Variants in PPWD1 observed in about 807,000 individuals in gnomAD.
The protein encoded by PPWD1 is peptidylprolyl isomerase domain and WD repeat containing 1, also known as peptidylprolyl isomerase domain and WD repeat-containing protein 1.
Under a neutral mutation model 68.8 loss-of-function variants are expected in PPWD1, and 43 were observed. That is an observed-to-expected ratio of 0.62 (90% CI 0.49 to 0.81). PPWD1 has a LOEUF of 0.81. Among genes scored for constraint, PPWD1 ranks in the 30% least tolerant of loss-of-function variants. The pLI is 0.00. For missense variants in PPWD1, 672 were observed against 804.8 expected (o/e 0.83, Z 2.00); for synonymous variants, 232 against 258.7 (o/e 0.90, Z 0.99).
chr5:65,578,435 C>A (rs910389930), intron 6 of PPWD1, among the ~76,000 whole-genome samples: 2 of 152,126 alleles, frequency 1.3e-5, no homozygotes, highest in African/African-American at 4.8e-5. Context: ...TGGCTATACT[C>A]TTTTTGCATT....
chr5:65,581,728 A>G (rs1753608868), intron 7 of PPWD1, among the ~76,000 whole-genome samples: 1 of 152,352 alleles, frequency 6.6e-6, no homozygotes, highest in African/African-American at 2.4e-5. Context: ...TATATTCATT[A>G]TAAAGTTTGA....
At chr5:65,576,531 C>G (rs192697663) in intron 5 of PPWD1, 1 of 239,224 alleles carries the variant, frequency 4.2e-6, no homozygotes, top group African/African-American at 2.3e-5. Flanking sequence ...CACACATCAC[C>G]ATGCCCGGCT....
Position 65,576,932 on chromosome 5 carries a change from C to A in PPWD1, c.1023C>A (p.Gly341=). 6.2e-7 allele frequency: 1 copy of A among 1,614,008 alleles called. No homozygotes were observed. The highest frequency in any genetic ancestry group is 1.1e-5 in the South Asian group (1 of 91,080). The change falls in exon 6 of 11, where the codon GGC becomes GGA. Residue 341 remains glycine, a synonymous_variant. Transcript: ENST00000261308. ...AACAGTTACCAGACATGGAATTTGG[C>A]CGACGAATGGCTGTAGAACGTGAGT... The part of the protein sequence containing the change: ...MRQQLPDMEF[G]RRMAVERELE...
chr5:65,572,132 A>G lies in PPWD1; in HGVS notation c.815A>G (p.Asp272Gly), dbSNP rs1220180635. 21 of 1,613,868 alleles carry G rather than the reference A, an allele frequency of 1.3e-5. No homozygotes were observed. Among genetic ancestry groups the G allele is most frequent in the Non-Finnish European group, 1.5e-5 (18 of 1,179,886 alleles). Reference sequence around the variant, plus strand: ...AACTGGGAATATAAAACTGACACTGATTTATATGAATTTGCCAAGTGTAAG... The same window carrying G: ...AACTGGGAATATAAAACTGACACTGGTTTATATGAATTTGCCAAGTGTAAG... ...NVNWEYKTDT[D>G]LYEFAKCKAY... Residue 272 changes from aspartate to glycine, a missense_variant, in exon 5 of 11, where the codon GAT becomes GGT. By Grantham distance (94) the Asp-to-Gly change is moderately conservative. Around this residue, in one of 2 missense-constraint regions of PPWD1, gnomAD observed 484 missense variants for 646.2 expected, o/e 0.75. Coordinates refer to ENST00000261308, the MANE Select transcript of PPWD1 (RefSeq NM_015342.4).
chr5:65,574,738 C>T lies in PPWD1; in HGVS notation c.970-2141C>T, dbSNP rs574633016. On this transcript the variant is annotated intron_variant, in intron 5 of 10. Transcript: ENST00000261308. ...TCGGCCTCCCAAAGTGCTGGGATTACAGGCGTGAGCCACCGCGCCCGGCCG... is the reference window on the plus strand; with the variant it reads ...TCGGCCTCCCAAAGTGCTGGGATTATAGGCGTGAGCCACCGCGCCCGGCCG... Among the ~76,000 whole-genome samples, 66 of 152,314 alleles carry T rather than the reference C, an allele frequency of 4.3e-4. 1 individual carries two copies. Among genetic ancestry groups the T allele is most frequent in the Admixed American group, 4.1e-3 (62 of 15,302 alleles).
Position 65,569,653 on chromosome 5 carries a change from C to G in PPWD1, c.321C>G (p.Ala107=). Residue 107 remains alanine (A), a synonymous_variant, in exon 3 of 11, where the codon GCC becomes GCG. Coordinates refer to ENST00000261308, the MANE Select transcript of PPWD1 (RefSeq NM_015342.4). ...VCTKTDFIIT[A]SHDGHVKFWK... is the part of the protein sequence containing the mutation. ...GCAGAACAGATTTTATTATTACTGC[C>G]AGTCATGATGGACATGTCAAGTTCT... The G allele has an allele frequency of 1.3e-6, 2 of 1,587,070 alleles. No homozygotes were observed. The highest frequency in any genetic ancestry group is 1.7e-6 in the Non-Finnish European group (2 of 1,158,372).
intron 5 of PPWD1, among the ~76,000 whole-genome samples, chr5:65,573,470 TATA>T (rs1561725604): frequency 1.5e-5 from 1 of 68,562 alleles, no homozygotes; most frequent in African/African-American, 7.1e-5. Flanking sequence ...TATATATATA[TATA>T]TATTTTTTTT....
intron 5 of PPWD1, among the ~76,000 whole-genome samples, chr5:65,573,066 C>T (rs747513670): frequency 2.6e-4 from 39 of 152,096 alleles, no homozygotes; most frequent in Non-Finnish European, 4.9e-4. Context: ...CCATAAGTCA[C>T]CTTTCTCCCT....
At chr5:65,579,231 T>TA (rs33959203) in intron 6 of PPWD1, 193 bp from the exon 7 acceptor site, 628,573 of 977,180 alleles carry the variant, frequency 0.64, 204,961 homozygotes, top group Non-Finnish European at 0.66. Context: ...TTCTGTTTTT[T>TA]AACCTGAAAA....
At chr5:65,566,371 C>T (rs1179242062) in intron 1 of PPWD1, among the ~76,000 whole-genome samples, 1 of 152,140 alleles carries the variant, frequency 6.6e-6, no homozygotes, top group East Asian at 1.9e-4. Context: ...AAGATTACAG[C>T]AGTTATATCC....
chr5:65,579,491 G>A lies in PPWD1; in HGVS notation c.1228G>A (p.Ala410Thr). The A allele has an allele frequency of 2.5e-6, 4 of 1,608,620 alleles. No individual in the cohort carries two copies. The highest frequency in any genetic ancestry group is 1.7e-4 in the Middle Eastern group (1 of 6,038). The change falls in exon 7 of 11, where the codon GCC (alanine) becomes ACC (threonine). Residue 410 changes from alanine to threonine, a missense_variant. Ala to Thr is a moderately conservative substitution (Grantham distance 58). Coordinates refer to ENST00000261308, the MANE Select transcript of PPWD1 (RefSeq NM_015342.4). ...GCAATTGGCTTTGTTCCAGGGGATA[G>A]CCAAAAAGCATCGTGCTGCAACTAC... ...VMQLALFQGI[A>T]KKHRAATTIE...
intron 1 of PPWD1, chr5:65,563,727 G>C: frequency 7.0e-7 from 1 of 1,420,860 alleles, no homozygotes; most frequent in Non-Finnish European, 9.6e-7. Context: ...TTTGATCATT[G>C]ATTTGTTATG....
rs1221549855 is a variant in PPWD1 at position 65,569,731 on chromosome 5, G to C, written c.399G>C (p.Leu133=). ...TTGTTAAACATTTTCGTAGTCACCTGGGTAAGAATTGCACCTCATTTTCTT... is the reference window on the plus strand; with the variant it reads ...TTGTTAAACATTTTCGTAGTCACCTCGGTAAGAATTGCACCTCATTTTCTT... ...IEFVKHFRSH[L]GVIESIAVSS... The change falls in exon 3 of 11, where the codon CTG becomes CTC. Residue 133 remains leucine, a splice_region_variant and synonymous_variant. Transcript: ENST00000261308. The C allele has an allele frequency of 6.2e-7, 1 of 1,608,114 alleles. No homozygotes were observed. Among genetic ancestry groups the C allele is most frequent in the African/African-American group, 1.3e-5 (1 of 74,730 alleles).
chr5:65,567,275 T>C (rs1477462615), intron 1 of PPWD1, among the ~76,000 whole-genome samples: 1 of 152,088 alleles, frequency 6.6e-6, no homozygotes, highest in Non-Finnish European at 1.5e-5. Flanking sequence ...AGTTAGCATG[T>C]ATATAGTACC....
Position 65,583,228 on chromosome 5 carries a change from A to G in PPWD1, c.1532+9A>G. On this transcript the variant is annotated intron_variant, in intron 8 of 10. Transcript: ENST00000261308. Reference sequence around the variant, plus strand: ...AAACTTTTTCCTGTTGAGTATGTATAACAACTGTTTTTATTGGCTTATGTA... The same window carrying G: ...AAACTTTTTCCTGTTGAGTATGTATGACAACTGTTTTTATTGGCTTATGTA... The G allele has an allele frequency of 3.3e-6, 5 of 1,531,902 alleles. No homozygotes were observed. The highest frequency in any genetic ancestry group is 4.4e-6 in the Non-Finnish European group (5 of 1,136,548). 94.9% of individuals were successfully genotyped at this position (1,531,902 alleles called of 1,614,324 possible).
intron 1 of PPWD1, among the ~76,000 whole-genome samples, chr5:65,566,398 G>C (rs780902302): frequency 2.0e-5 from 3 of 152,174 alleles, no homozygotes; most frequent in Non-Finnish European, 4.4e-5. Context: ...CAAGCTATAG[G>C]ATTGAGGAAA....
intron 10 of PPWD1, 86 bp from the exon 11 acceptor site, chr5:65,587,167 T>TA: frequency 7.2e-7 from 1 of 1,379,930 alleles, no homozygotes. Flanking sequence ...AGCGTAAACT[T>TA]AAATTCTCTT....
chr5:65,573,778 T>C (rs2150597142), intron 5 of PPWD1, among the ~76,000 whole-genome samples: 1 of 152,018 alleles, frequency 6.6e-6, no homozygotes, highest in Non-Finnish European at 1.5e-5. Context: ...GACTAAGCCC[T>C]ATGTGATCTG....
At chr5:65,567,150 A>G (rs1232919527) in intron 1 of PPWD1, among the ~76,000 whole-genome samples, 1 of 151,640 alleles carries the variant, frequency 6.6e-6, no homozygotes, top group Non-Finnish European at 1.5e-5. Flanking sequence ...GATGGTTGTG[A>G]TATTTTCATG....
Sources: allele counts gnomAD v4.1 joint callset (sites outside exome capture counted in the v4.1 genomes callset), GRCh38; gene constraint gnomAD v4.1.1; regional missense constraint gnomAD v4.1.1; transcripts MANE v1.5; gene names NCBI Gene and HGNC (gene_info 2026-07-23, HGNC 2026-07-21).